Variants in CTNND2 observed in about 807,000 individuals in gnomAD.
CTNND2 encodes the protein catenin delta 2, also known as catenin delta-2.
CTNND2 carries 22 observed loss-of-function variants against 144.4 expected under a neutral mutation model. The observed-to-expected ratio is 0.15, with a 90% CI of 0.11 to 0.22. The LOEUF is 0.22. Ranked by LOEUF, CTNND2 falls within the 10% of genes least tolerant of loss-of-function variation. The pLI, the probability that CTNND2 is intolerant of heterozygous loss-of-function variation, is 1.00. For synonymous variants in CTNND2, 751 were observed against 695.6 expected, an observed-to-expected ratio of 1.08 and a Z score of -1.25; for missense variants, 1,353 against 1,618.8, an observed-to-expected ratio of 0.84 and a Z score of 2.82.
At chr5:11,573,794 T>A (rs1007117126) in intron 2 of CTNND2, among the ~76,000 whole-genome samples, 1 of 152,084 alleles carries the variant, frequency 6.6e-6, no homozygotes, top group Admixed American at 6.6e-5. Flanking sequence ...AAAATAAAAA[T>A]ATAACGAAAC....
At chr5:11,514,426 T>C (rs1771969752) in intron 3 of CTNND2, among the ~76,000 whole-genome samples, 1 of 147,248 alleles carries the variant, frequency 6.8e-6, no homozygotes, top group South Asian at 2.1e-4. Flanking sequence ...CTGTATTCAT[T>C]TGATGGATTT....
chr5:11,098,505 G>C, intron 15 of CTNND2, 70 bp downstream of exon 15: 1 of 1,359,460 alleles, frequency 7.4e-7, no homozygotes, highest in East Asian at 2.3e-5. Flanking sequence ...CTCAAAACTG[G>C]ACTTATATTG....
At chr5:11,623,810 A>G (rs1246990605) in intron 2 of CTNND2, among the ~76,000 whole-genome samples, 21 of 9,906 alleles carry the variant, frequency 2.1e-3, no homozygotes, top group African/African-American at 4.8e-3. Context: ...GTGTGTATGT[A>G]TATATATATA....
chr5:11,590,235 C>T (rs749105961), intron 2 of CTNND2, among the ~76,000 whole-genome samples: 9 of 151,944 alleles, frequency 5.9e-5, no homozygotes, highest in South Asian at 2.1e-4. Context: ...TTAGTAGAGA[C>T]GGGGTTTCAC....
chr5:11,000,460 G>C (rs1739832303), intron 18 of CTNND2, among the ~76,000 whole-genome samples: 1 of 152,212 alleles, frequency 6.6e-6, no homozygotes, highest in Non-Finnish European at 1.5e-5. Flanking sequence ...GGCAGAGGTT[G>C]CAGTGAGCCG....
chr5:11,464,217 A>G (rs1871472), intron 3 of CTNND2, among the ~76,000 whole-genome samples: 5,071 of 152,294 alleles, frequency 0.033, 285 homozygotes, highest in African/African-American at 0.12. Context: ...TAGTTGGGTG[A>G]GACAGATAAA....
intron 9 of CTNND2, among the ~76,000 whole-genome samples, chr5:11,327,970 G>A (rs1342808192): frequency 1.3e-5 from 2 of 152,126 alleles, no homozygotes; most frequent in Non-Finnish European, 2.9e-5. Flanking sequence ...ATATTTTATG[G>A]AAAAATTCAA....
intron 1 of CTNND2, among the ~76,000 whole-genome samples, chr5:11,771,690 A>G (rs570656487): frequency 1.3e-5 from 2 of 152,248 alleles, no homozygotes; most frequent in Admixed American, 1.3e-4. Flanking sequence ...ATAACTTTCT[A>G]TTATCTATTA....
At chr5:11,168,588 C>G (rs1442079205) in intron 11 of CTNND2, among the ~76,000 whole-genome samples, 1 of 152,114 alleles carries the variant, frequency 6.6e-6, no homozygotes, top group African/African-American at 2.4e-5. Context: ...ACCAAAGCAC[C>G]AAGGCTGAGT....
At chr5:11,461,521 A>G (rs1221157241) in intron 3 of CTNND2, among the ~76,000 whole-genome samples, 1 of 152,122 alleles carries the variant, frequency 6.6e-6, no homozygotes, top group African/African-American at 2.4e-5. Flanking sequence ...TCGGTGGTAG[A>G]CCTTTGCTTG....
At chr5:11,710,190 C>A (rs1581755798) in intron 2 of CTNND2, among the ~76,000 whole-genome samples, 1 of 152,232 alleles carries the variant, frequency 6.6e-6, no homozygotes, top group East Asian at 1.9e-4. Context: ...AACCATTTAT[C>A]TGGATTTTGA....
chr5:11,677,735 A>G (rs1042487773), intron 2 of CTNND2, among the ~76,000 whole-genome samples: 1 of 152,182 alleles, frequency 6.6e-6, no homozygotes, highest in Non-Finnish European at 1.5e-5. Flanking sequence ...GAAAGGGAAC[A>G]CTACAAGTAA....
chr5:11,247,245 G>GGACAGA (rs1234755452), intron 9 of CTNND2, among the ~76,000 whole-genome samples: 1 of 152,150 alleles, frequency 6.6e-6, no homozygotes, highest in African/African-American at 2.4e-5. Context: ...GCCCCAGCAG[G>GGACAGA]GACAGAGGGT....
At chr5:11,806,086 C>G (rs974996734) in intron 1 of CTNND2, among the ~76,000 whole-genome samples, 1 of 152,016 alleles carries the variant, frequency 6.6e-6, no homozygotes, top group African/African-American at 2.4e-5. Flanking sequence ...TCAAGAGGAG[C>G]CTAAGGACAC....
intron 8 of CTNND2, among the ~76,000 whole-genome samples, chr5:11,348,302 T>G (rs1026979293): frequency 6.6e-6 from 1 of 152,090 alleles, no homozygotes; most frequent in African/African-American, 2.4e-5. Flanking sequence ...AATTTATGCA[T>G]AATGTGCCTT....
At chr5:11,158,983 C>G (rs1758499840) in intron 12 of CTNND2, among the ~76,000 whole-genome samples, 1 of 152,126 alleles carries the variant, frequency 6.6e-6, no homozygotes, top group Admixed American at 6.5e-5. Flanking sequence ...TAAGAAATCT[C>G]AATAGATTCC....
chr5:11,549,955 T>C (rs985858496), intron 3 of CTNND2, among the ~76,000 whole-genome samples: 3 of 152,138 alleles, frequency 2.0e-5, no homozygotes, highest in African/African-American at 2.4e-5. Flanking sequence ...CATAAGTAAA[T>C]AATGTATCTG....
At chr5:11,738,707 G>A (rs1203844447) in intron 1 of CTNND2, among the ~76,000 whole-genome samples, 2 of 152,154 alleles carry the variant, frequency 1.3e-5, no homozygotes, top group South Asian at 2.1e-4. Context: ...GATGATGTCT[G>A]TATCACACAA....
At chr5:11,368,828 C>A (rs1395562502) in intron 7 of CTNND2, among the ~76,000 whole-genome samples, 2 of 152,144 alleles carry the variant, frequency 1.3e-5, no homozygotes, top group Non-Finnish European at 2.9e-5. Context: ...CCAGTTTCCT[C>A]AAGTGTAGAA....
Sources: allele counts gnomAD v4.1 joint callset (sites outside exome capture counted in the v4.1 genomes callset), GRCh38; gene constraint gnomAD v4.1.1; transcripts MANE v1.5; gene names NCBI Gene and HGNC (gene_info 2026-07-23, HGNC 2026-07-21).